Variants in TTLL5 observed in about 807,000 individuals in gnomAD.
The protein encoded by TTLL5 is tubulin polyglutamylase TTLL5.
TTLL5 carries 132 observed loss-of-function variants against 168.4 expected under a neutral mutation model. The ratio of observed to expected loss-of-function variants is 0.78; its 90% confidence interval spans 0.68 to 0.91. TTLL5 has a LOEUF of 0.91. TTLL5 is among the 40% of genes least tolerant of loss of function. TTLL5 has a pLI of 0.00. For missense variants in TTLL5, 1,545 were observed against 1,581.5 expected, an observed-to-expected ratio of 0.98 and a Z score of 0.39; for synonymous variants, 546 against 558.6, an observed-to-expected ratio of 0.98 and a Z score of 0.32.
intron 18 of TTLL5, among the ~76,000 whole-genome samples, chr14:75,757,272 C>T (rs1314662159): frequency 6.6e-6 from 1 of 152,164 alleles, no homozygotes; most frequent in Non-Finnish European, 1.5e-5. Flanking sequence ...GCCAATGCGC[C>T]CGTCCTTTTA....
chr14:75,714,538 C>T (rs1267325403), intron 9 of TTLL5, among the ~76,000 whole-genome samples: 1 of 151,942 alleles, frequency 6.6e-6, no homozygotes, highest in East Asian at 1.9e-4. Context: ...TTTATTTATT[C>T]ATCTATTTAT....
chr14:75,762,231 T>C (rs573563648), intron 18 of TTLL5, among the ~76,000 whole-genome samples: 1 of 152,008 alleles, frequency 6.6e-6, no homozygotes, highest in Admixed American at 6.5e-5. Flanking sequence ...CCATCTCTAC[T>C]AAAAATACAA....
At chr14:75,678,225 A>C (rs1318679066) in intron 3 of TTLL5, among the ~76,000 whole-genome samples, 2 of 152,236 alleles carry the variant, frequency 1.3e-5, no homozygotes, top group African/African-American at 4.8e-5. Context: ...AAGTTACAAA[A>C]ATAGTACAAT....
intron 9 of TTLL5, chr14:75,712,521 A>C (rs1021707273): frequency 6.7e-6 from 1 of 149,498 alleles, no homozygotes; most frequent in Non-Finnish European, 1.5e-5. Flanking sequence ...AAAAAAGAAC[A>C]TGTGGGGTCA....
chr14:75,814,469 G>A (rs1595086211), intron 27 of TTLL5: 1 of 152,262 alleles, frequency 6.6e-6, no homozygotes, highest in East Asian at 1.9e-4. Flanking sequence ...TTTCTGTCCT[G>A]TTAGGGAAGA....
At chr14:75,942,914 G>A (rs2034655897) in intron 31 of TTLL5, among the ~76,000 whole-genome samples, 1 of 152,096 alleles carries the variant, frequency 6.6e-6, no homozygotes, top group Non-Finnish European at 1.5e-5. Context: ...GTTGACTTTA[G>A]GACTAACATA....
At chr14:75,789,518 A>G (rs1179691593) in intron 26 of TTLL5, among the ~76,000 whole-genome samples, 3 of 152,220 alleles carry the variant, frequency 2.0e-5, no homozygotes, top group Non-Finnish European at 4.4e-5. Context: ...TATAAATAAC[A>G]TAAAATTTAA....
At chr14:75,720,113 T>C (rs1887747905) in intron 11 of TTLL5, among the ~76,000 whole-genome samples, 1 of 152,210 alleles carries the variant, frequency 6.6e-6, no homozygotes, top group Non-Finnish European at 1.5e-5. Context: ...GTCAGCTTTT[T>C]ATATAACAAA....
In TTLL5 at chr14:75,707,683, ATC is replaced by A. The variant is rs754950305; in HGVS notation, c.720_721del (p.Tyr241Ter). Reference sequence around the variant, plus strand: ...ACTTCCTATGATCCTCTTGTCATCTATCTCTATGAAGAAGGATTGGCTAGGTA... The same window carrying A: ...ACTTCCTATGATCCTCTTGTCATCTATCTATGAAGAAGGATTGGCTAGGTA... On this transcript the variant is annotated frameshift_variant, in exon 9 of 32. Coordinates refer to ENST00000298832, the MANE Select transcript of TTLL5 (RefSeq NM_015072.5). LOFTEE classifies it high-confidence loss of function. 1.1e-5 allele frequency: 17 copies of A among 1,610,646 alleles called. No individual in the cohort carries two copies. Among genetic ancestry groups the A allele is most frequent in the Non-Finnish European group, 1.4e-5 (17 of 1,178,406 alleles).
chr14:75,703,713 C>A (rs552732763), intron 7 of TTLL5, among the ~76,000 whole-genome samples: 1 of 152,182 alleles, frequency 6.6e-6, no homozygotes, highest in African/African-American at 2.4e-5. Flanking sequence ...AGTGTTAGGT[C>A]ACTCTAGTCC....
At chr14:75,882,446 G>A (rs898905259) in intron 29 of TTLL5, among the ~76,000 whole-genome samples, 1 of 152,154 alleles carries the variant, frequency 6.6e-6, no homozygotes, top group East Asian at 1.9e-4. Context: ...TATCGCAGGT[G>A]CCCTGATTCC....
intron 16 of TTLL5, 81 bp from the exon 17 acceptor site, chr14:75,745,409 A>T (rs906137870): frequency 7.0e-7 from 1 of 1,423,134 alleles, no homozygotes; most frequent in Non-Finnish European, 9.9e-7. Flanking sequence ...TTCTTGGGTC[A>T]TAACTATCTT....
At chr14:75,773,969 G>GAAAGAGAGAA (rs1167355301) in intron 21 of TTLL5, among the ~76,000 whole-genome samples, 5 of 126,230 alleles carry the variant, frequency 4.0e-5, no homozygotes, top group African/African-American at 1.8e-4. Flanking sequence ...GAGAGAGAGA[G>GAAAGAGAGAA]AGAGAGAGAG....
At chr14:75,842,291 G>C (rs1453213316) in intron 28 of TTLL5, among the ~76,000 whole-genome samples, 4 of 152,120 alleles carry the variant, frequency 2.6e-5, no homozygotes, top group African/African-American at 9.7e-5. Flanking sequence ...TATTCCTCTG[G>C]ACTGTCGCTC....
At chr14:75,696,065 T>A (rs1224108386) in intron 6 of TTLL5, among the ~76,000 whole-genome samples, 3 of 151,736 alleles carry the variant, frequency 2.0e-5, no homozygotes, top group Non-Finnish European at 4.4e-5. Context: ...CTAATTTTTT[T>A]ATTTTCCATA....
intron 9 of TTLL5, chr14:75,712,501 C>CAAAA (rs56076842): frequency 2.2e-5 from 2 of 89,524 alleles, no homozygotes; most frequent in Admixed American, 2.3e-4. Context: ...AACAGCAGGA[C>CAAAA]AAAAAAAAAA....
intron 30 of TTLL5, among the ~76,000 whole-genome samples, chr14:75,892,275 C>T (rs752229922): frequency 6.6e-5 from 10 of 152,188 alleles, no homozygotes; most frequent in African/African-American, 1.2e-4. Flanking sequence ...AGAAAACCTA[C>T]GGGACTTAGC....
chr14:75,935,320 A>G (rs2034402680), intron 31 of TTLL5, among the ~76,000 whole-genome samples: 1 of 152,204 alleles, frequency 6.6e-6, no homozygotes, highest in African/African-American at 2.4e-5. Context: ...TTTGCCTTTC[A>G]GAGAGCTCTA....
At chr14:75,896,394 G>C (rs1450769288) in intron 30 of TTLL5, among the ~76,000 whole-genome samples, 3 of 152,128 alleles carry the variant, frequency 2.0e-5, no homozygotes, top group African/African-American at 7.2e-5. Flanking sequence ...AGGTTTGGGG[G>C]TGTTTGTTTT....
Sources: allele counts gnomAD v4.1 joint callset (sites outside exome capture counted in the v4.1 genomes callset), GRCh38; gene constraint gnomAD v4.1.1; transcripts MANE v1.5; gene names NCBI Gene and HGNC (gene_info 2026-07-23, HGNC 2026-07-21).